The following OSBPL1A variants were observed in gnomAD, a reference collection of about 807,000 sequenced individuals.
The protein encoded by OSBPL1A is oxysterol binding protein like 1A.
A neutral mutation model predicts 137.1 loss-of-function variants in OSBPL1A; 80 were observed. That is an observed-to-expected ratio of 0.58 (90% confidence interval 0.49 to 0.70). The LOEUF (loss-of-function observed/expected upper bound fraction) is 0.70, where lower values mean the gene tolerates loss of function less well. OSBPL1A is among the 30% of genes least tolerant of loss of function. The pLI is 0.00. For synonymous variants in OSBPL1A, 365 were observed against 389.7 expected (o/e 0.94, Z 0.75); for missense variants, 970 against 1,129.4 (o/e 0.86, Z 2.02).
At chr18:24,285,883 G>A (rs72884887) in intron 14 of OSBPL1A, among the ~76,000 whole-genome samples, 33,685 of 152,114 alleles carry the variant, frequency 0.22, 4,599 homozygotes, top group Middle Eastern at 0.31. Context: ...AAGGCTGGGC[G>A]CGGTGGTTGA....
chr18:24,314,502 C>T (rs964175092), intron 11 of OSBPL1A, among the ~76,000 whole-genome samples, 155 bp from the exon 12 acceptor site: 8 of 152,162 alleles, frequency 5.3e-5, no homozygotes, highest in Admixed American at 2.6e-4. Flanking sequence ...AAATAGATTA[C>T]AGTGGGAGTA....
At chr18:24,367,005 A>C (rs749958538) in intron 3 of OSBPL1A, 39 bp from the exon 4 acceptor site, 1 of 1,520,836 alleles carries the variant, frequency 6.6e-7, no homozygotes, top group African/African-American at 1.4e-5. Flanking sequence ...AGAAATATAC[A>C]ATGGTGAAAA....
intron 17 of OSBPL1A, among the ~76,000 whole-genome samples, chr18:24,217,562 C>T (rs951557129): frequency 2.0e-5 from 3 of 152,036 alleles, no homozygotes; most frequent in Non-Finnish European, 2.9e-5. Flanking sequence ...CTGTCAGAAG[C>T]TCTTCTTTAT....
chr18:24,190,207 G>A (rs184045506), intron 18 of OSBPL1A, among the ~76,000 whole-genome samples: 15 of 151,986 alleles, frequency 9.9e-5, no homozygotes, highest in African/African-American at 1.7e-4. Flanking sequence ...TGGATCACTC[G>A]GCATTTGTGG....
At chr18:24,261,523 T>C (rs1408699459) in intron 15 of OSBPL1A, among the ~76,000 whole-genome samples, 1 of 152,194 alleles carries the variant, frequency 6.6e-6, no homozygotes, top group Non-Finnish European at 1.5e-5. Context: ...AATAATACAT[T>C]TCATATGCAG....
In OSBPL1A at chr18:24,271,644, G is replaced by C; in HGVS notation, c.1281+9198C>G. 4 of 985,770 alleles carry C rather than the reference G, an allele frequency of 4.1e-6. No homozygotes were observed. Among genetic ancestry groups the C allele is most frequent in the Non-Finnish European group, 4.8e-6 (4 of 830,200 alleles). 61.1% of individuals were successfully genotyped at this position (985,770 alleles called of 1,614,324 possible). A position where few individuals can be genotyped will look rare whatever the true frequency, so the allele number is the denominator to read the frequency against. On this transcript the variant is annotated intron_variant, in intron 15 of 27. Transcript: ENST00000319481. This position sits in a 1 kb window ranked among gnomAD's most constrained non-coding sequence, Gnocchi z 4.0. Reference sequence around the variant, plus strand: ...TACCTGGGCCAGATCCGAGGACCCCGGCTGGCGCGCTCCACCCTGCGCTCC... The same window carrying C: ...TACCTGGGCCAGATCCGAGGACCCCCGCTGGCGCGCTCCACCCTGCGCTCC...
intron 6 of OSBPL1A, 106 bp downstream of exon 6, chr18:24,334,139 G>T: frequency 1.2e-6 from 1 of 818,430 alleles, no homozygotes; most frequent in African/African-American, 1.8e-5. Flanking sequence ...TGGAGTTCTT[G>T]GTTCCACAAT....
chr18:24,317,051 A>T, intron 11 of OSBPL1A, 98 bp downstream of exon 11: 1 of 1,238,436 alleles, frequency 8.1e-7, no homozygotes, highest in South Asian at 1.3e-5. Context: ...ATTCCACAGA[A>T]CCCCAAGATT....
At chr18:24,382,488 G>A (rs1350043348) in intron 1 of OSBPL1A, among the ~76,000 whole-genome samples, 1 of 151,860 alleles carries the variant, frequency 6.6e-6, no homozygotes, top group African/African-American at 2.4e-5. Context: ...GAGGTAGGAG[G>A]ATCACTTAAG....
intron 3 of OSBPL1A, among the ~76,000 whole-genome samples, chr18:24,367,268 A>G (rs2091716567): frequency 6.6e-6 from 1 of 151,752 alleles, no homozygotes; most frequent in African/African-American, 2.4e-5. Context: ...AGTAGTGTAT[A>G]TATGGTAGGT....
rs2089715123 is a variant in OSBPL1A at position 24,271,441 on chromosome 18, G to T, written c.1281+9401C>A. On this transcript the variant is annotated intron_variant, in intron 15 of 27. Coordinates refer to ENST00000319481, the MANE Select transcript of OSBPL1A (RefSeq NM_080597.4). This position sits in a 1 kb window ranked among gnomAD's most constrained non-coding sequence, Gnocchi z 4.0. ...GGGAAGAGAGCAGGGTCTCCCGGCTGGTGCGCCCCTCCCCACGCGCCCGCG... is the reference window on the plus strand; with the variant it reads ...GGGAAGAGAGCAGGGTCTCCCGGCTTGTGCGCCCCTCCCCACGCGCCCGCG... The T allele has an allele frequency of 3.8e-6, 2 of 522,498 alleles. No individual in the cohort carries two copies. Among genetic ancestry groups the T allele is most frequent in the Non-Finnish European group, 4.9e-6 (2 of 407,040 alleles). 32.4% of individuals were successfully genotyped at this position (522,498 alleles called of 1,614,324 possible). A position where few individuals can be genotyped will look rare whatever the true frequency, so the allele number is the denominator to read the frequency against.
At chr18:24,265,081 A>T (rs769323243) in intron 15 of OSBPL1A, among the ~76,000 whole-genome samples, 1 of 152,236 alleles carries the variant, frequency 6.6e-6, no homozygotes, top group Non-Finnish European at 1.5e-5. Flanking sequence ...CAGATGTTCT[A>T]CAATCTAATA....
rs113714335 is a variant in OSBPL1A, at chr18:24,225,926, TCACACCACTG to T, written c.1445-738_1445-729del. Among the ~76,000 whole-genome samples, 370 of 152,280 alleles carry T rather than the reference TCACACCACTG, an allele frequency of 2.4e-3. 6 individuals carry two copies. Among genetic ancestry groups the T allele is most frequent in the African/African-American group, 8.3e-3 (345 of 41,550 alleles). ...GTTGAGAGACTGCAGTGAGCTATGA[TCACACCACTG>T]CACTCCAGCCTGGGCAGAGTGAGAC... On this transcript the variant is annotated intron_variant, in intron 16 of 27. Transcript: ENST00000319481.
At chr18:24,385,894 C>T (rs1347132149) in intron 1 of OSBPL1A, among the ~76,000 whole-genome samples, 1 of 152,100 alleles carries the variant, frequency 6.6e-6, no homozygotes, top group Non-Finnish European at 1.5e-5. Context: ...AGGCAAGAGC[C>T]AGGAAGAGAG....
intron 17 of OSBPL1A, among the ~76,000 whole-genome samples, chr18:24,209,861 G>A (rs904421551): frequency 6.6e-6 from 1 of 152,172 alleles, no homozygotes; most frequent in African/African-American, 2.4e-5. Flanking sequence ...GGCTGTCTAC[G>A]GAGAGTGGGG....
chr18:24,387,348 C>T (rs1303399414), intron 1 of OSBPL1A, among the ~76,000 whole-genome samples: 1 of 152,152 alleles, frequency 6.6e-6, no homozygotes, highest in Admixed American at 6.6e-5. Flanking sequence ...AGCCACCATG[C>T]CCAGCCCAAA....
intron 14 of OSBPL1A, among the ~76,000 whole-genome samples, chr18:24,287,891 T>G (rs978792780): frequency 6.6e-6 from 1 of 152,242 alleles, no homozygotes; most frequent in African/African-American, 2.4e-5. Flanking sequence ...TATTGGATTC[T>G]TCAACCTTGC....
At chr18:24,263,907 G>C (rs967801927) in intron 15 of OSBPL1A, among the ~76,000 whole-genome samples, 14 of 152,196 alleles carry the variant, frequency 9.2e-5, no homozygotes, top group African/African-American at 3.4e-4. Context: ...AAAGTGCTGG[G>C]ATTACAGGTG....
chr18:24,391,282 G>A (rs930454132), intron 1 of OSBPL1A, among the ~76,000 whole-genome samples: 10 of 152,122 alleles, frequency 6.6e-5, no homozygotes, highest in Non-Finnish European at 1.0e-4. Flanking sequence ...CCGGTGGCTC[G>A]GAGAAGGGAG....
Sources: gnomAD v4.1 joint callset for allele counts (sites outside exome capture counted in the v4.1 genomes callset) on GRCh38, gnomAD v4.1.1 for gene constraint, Gnocchi (gnomAD v3.1) non-coding constraint, MANE v1.5 for transcripts, NCBI Gene and HGNC (gene_info 2026-07-23, HGNC 2026-07-21) for gene names.